CACNA2D4: variants seen among roughly 807,000 people sequenced by gnomAD.
CACNA2D4 encodes voltage-dependent calcium channel subunit alpha-2/delta-4.
Under a neutral mutation model 163.8 loss-of-function variants are expected in CACNA2D4, and 157 were observed. That is an observed-to-expected ratio of 0.96 (90% confidence interval 0.84 to 1.09). The LOEUF is 1.09. Ranked by LOEUF, CACNA2D4 falls within the 50% of genes least tolerant of loss-of-function variation. The pLI, the probability that CACNA2D4 is intolerant of heterozygous loss-of-function variation, is 0.00. For synonymous variants in CACNA2D4, 598 were observed against 586.9 expected (o/e 1.02, Z -0.27); for missense variants, 1,410 against 1,479.9 (o/e 0.95, Z 0.78).
chr12:1,793,202 G>T lies in CACNA2D4; in HGVS notation c.*453C>A. On this transcript the variant is annotated 3_prime_UTR_variant, in exon 38 of 38. Transcript: ENST00000382722. ...TTGCCTTAGCCTCATCTCTGCATTT[G>T]GCCTCATTCTGCTGCTGCTTCTCAG... 1 of 163,004 alleles carries T rather than the reference G, an allele frequency of 6.1e-6. No homozygotes were observed. The highest frequency in any genetic ancestry group is 1.3e-5 in the Non-Finnish European group (1 of 74,560). The allele number at this position is 163,004 out of a possible 1,614,324, so 10.1% of individuals were successfully genotyped here. A position where few individuals can be genotyped will look rare whatever the true frequency, so the allele number is the denominator to read the frequency against.
chr12:1,898,578 TA>T (rs34777596), intron 6 of CACNA2D4, among the ~76,000 whole-genome samples: 115,210 of 151,884 alleles, frequency 0.76, 43,806 homozygotes, highest in East Asian at 0.88. Context: ...AAAAAAAAAC[TA>T]AACAAAAAGA....
chr12:1,907,842 G>A, intron 5 of CACNA2D4, 33 bp downstream of exon 5: 1 of 1,612,132 alleles, frequency 6.2e-7, no homozygotes, highest in South Asian at 1.1e-5. Context: ...GGGCGTGCCT[G>A]GTGAGTGTGC....
At chr12:1,803,948 G>A (rs1406915868) in intron 29 of CACNA2D4, among the ~76,000 whole-genome samples, 1 of 152,194 alleles carries the variant, frequency 6.6e-6, no homozygotes, top group Non-Finnish European at 1.5e-5. Context: ...AGTGGACATG[G>A]CAGCGGGACA....
At chr12:1,910,874 T>C (rs1316565317) in intron 3 of CACNA2D4, among the ~76,000 whole-genome samples, 1 of 152,180 alleles carries the variant, frequency 6.6e-6, no homozygotes, top group Non-Finnish European at 1.5e-5. Flanking sequence ...ATTGCTTACT[T>C]AGTAACCGGA....
At chr12:1,800,341 C>T (rs1294204674) in intron 32 of CACNA2D4, 45 bp downstream of exon 32, 3 of 1,603,028 alleles carry the variant, frequency 1.9e-6, no homozygotes, top group African/African-American at 1.3e-5. Context: ...CCTAAGCCAC[C>T]CTCGCATGCA....
At position 1,878,841 on chromosome 12, in the gene CACNA2D4, A is replaced by T; in HGVS notation, c.1644+115T>A. ...ACCTGCACTTCTTGGGCAGTGATGG[A>T]GGGGCCCCACCCCAGCTCTGGGCTT... is the stretch of plus-strand genomic sequence containing the variant. On this transcript the variant is annotated intron_variant, in intron 15 of 37. Transcript: ENST00000382722. The surrounding 1 kb of genome is among the most constrained non-coding windows in gnomAD (Gnocchi z 4.6). The T allele has an allele frequency of 1.1e-6, 1 of 913,780 alleles. No homozygotes were observed. 56.6% of individuals were successfully genotyped at this position (913,780 alleles called of 1,614,324 possible).
chr12:1,868,423 C>T (rs1338317353), intron 18 of CACNA2D4, among the ~76,000 whole-genome samples: 2 of 151,452 alleles, frequency 1.3e-5, no homozygotes, highest in African/African-American at 4.9e-5. Context: ...TACATAGAAA[C>T]AGAGAAAAAT....
In CACNA2D4 at chr12:1,843,017, C is replaced by T. The variant is rs899034700; in HGVS notation, c.2470+1385G>A. On this transcript the variant is annotated intron_variant, in intron 25 of 37. Coordinates refer to ENST00000382722, the MANE Select transcript of CACNA2D4 (RefSeq NM_172364.5). The surrounding 1 kb of genome is among the most constrained non-coding windows in gnomAD (Gnocchi z 4.6). ...TTGCTGTGTGACCCCGGGCAAGTTACAGAACCTCTCTGAGCCTCACGTTCT... is the reference window on the plus strand; with the variant it reads ...TTGCTGTGTGACCCCGGGCAAGTTATAGAACCTCTCTGAGCCTCACGTTCT... Among the ~76,000 whole-genome samples the T allele has an allele frequency of 6.6e-6, 1 of 152,210 alleles. No homozygotes were observed. Among genetic ancestry groups the T allele is most frequent in the Non-Finnish European group, 1.5e-5 (1 of 68,028 alleles).
intron 6 of CACNA2D4, among the ~76,000 whole-genome samples, chr12:1,904,225 G>A (rs931452998): frequency 6.6e-6 from 1 of 151,780 alleles, no homozygotes; most frequent in Non-Finnish European, 1.5e-5. Flanking sequence ...GGCTGGGAAG[G>A]GTAGCGATGG....
intron 26 of CACNA2D4, chr12:1,827,849 A>G (rs1040624605): frequency 7.8e-5 from 28 of 357,678 alleles, no homozygotes; most frequent in Non-Finnish European, 2.5e-5. Context: ...GCTTTGCGGC[A>G]CTGTGCCCGA....
intron 18 of CACNA2D4, among the ~76,000 whole-genome samples, chr12:1,861,296 C>T (rs1865519580): frequency 1.3e-5 from 2 of 152,214 alleles, no homozygotes; most frequent in South Asian, 4.1e-4. Flanking sequence ...CCTCTGGCTC[C>T]TCTGCCCAGT....
At chr12:1,901,921 C>A (rs1237375688) in intron 6 of CACNA2D4, among the ~76,000 whole-genome samples, 7 of 151,842 alleles carry the variant, frequency 4.6e-5, no homozygotes, top group Non-Finnish European at 1.0e-4. Context: ...AAACAAAAAA[C>A]CTACAGGCTA....
intron 6 of CACNA2D4, among the ~76,000 whole-genome samples, chr12:1,896,791 C>G (rs12321764): frequency 0.066 from 10,007 of 152,242 alleles, 816 homozygotes; most frequent in East Asian, 0.42. Context: ...TATGATGCCA[C>G]TACCTAGAAT....
intron 4 of CACNA2D4, 85 bp downstream of exon 4, chr12:1,909,821 A>ATG (rs1866769742): frequency 8.8e-7 from 1 of 1,138,316 alleles, no homozygotes; most frequent in African/African-American, 1.5e-5. Context: ...TCGCCACCCT[A>ATG]CGCCGCCACC....
At position 1,874,095 on chromosome 12, in the gene CACNA2D4, C is replaced by G. The variant is rs891308896; in HGVS notation, c.1878+509G>C. Among the ~76,000 whole-genome samples, 1 of 152,128 alleles carries G rather than the reference C, an allele frequency of 6.6e-6. No homozygotes were observed. The highest frequency in any genetic ancestry group is 1.5e-5 in the Non-Finnish European group (1 of 68,028). On this transcript the variant is annotated intron_variant, in intron 18 of 37. Transcript: ENST00000382722. The surrounding 1 kb of genome is among the most constrained non-coding windows in gnomAD (Gnocchi z 4.4). ...CTTTTAAGTGAGAAGATGAAATGATCTTTTATAAACGATGCACATGGTTGT... is the reference window on the plus strand; with the variant it reads ...CTTTTAAGTGAGAAGATGAAATGATGTTTTATAAACGATGCACATGGTTGT...
In CACNA2D4 at chr12:1,800,390, C is replaced by A. The variant is rs770744781; in HGVS notation, c.2917G>T (p.Val973Leu). ...TATRWLLQELVLFLLEWSVWG... is the reference protein window; with the variant it reads ...TATRWLLQELLLFLLEWSVWG... ...CCCGTGTCTACCCCCACTCACAGCA[C>A]CAGCTCCTGCAGCAGCCACCTGGTC... The change falls in exon 32 of 38, where the codon GTG (valine) becomes TTG (leucine). Residue 973 changes from valine (V) to leucine (L), a missense_variant. Coordinates refer to ENST00000382722, the MANE Select transcript of CACNA2D4 (RefSeq NM_172364.5). 1 of 1,613,944 alleles carries A rather than the reference C, an allele frequency of 6.2e-7. No individual in the cohort carries two copies. The highest frequency in any genetic ancestry group is 1.1e-5 in the South Asian group (1 of 91,086).
chr12:1,830,834 T>C, intron 26 of CACNA2D4: 1 of 988,228 alleles, frequency 1.0e-6, no homozygotes, highest in Non-Finnish European at 1.5e-6. Context: ...CCAAAGGAGA[T>C]AAAGCCAAGA....
intron 24 of CACNA2D4, among the ~76,000 whole-genome samples, chr12:1,846,344 G>A (rs1404980163): frequency 6.6e-6 from 1 of 150,942 alleles, no homozygotes; most frequent in Non-Finnish European, 1.5e-5. Flanking sequence ...GGATGTGTAA[G>A]CCTTCGGGGA....
rs758376887 is a variant in CACNA2D4, at chr12:1,834,018, A to G, written c.2551+6721T>C. ...GCTTCTCTATAAAATGGGAATAAAG[A>G]CAATATCCATTTCACATGGCTTCTG... On this transcript the variant is annotated intron_variant, in intron 26 of 37. Transcript: ENST00000382722. This position sits in a 1 kb window ranked among gnomAD's most constrained non-coding sequence, Gnocchi z 7.6. Among the ~76,000 whole-genome samples, 1 of 152,184 alleles carries G rather than the reference A, an allele frequency of 6.6e-6. No individual in the cohort carries two copies. Among genetic ancestry groups the G allele is most frequent in the Non-Finnish European group, 1.5e-5 (1 of 68,040 alleles).
Sources: allele counts gnomAD v4.1 joint callset (sites outside exome capture counted in the v4.1 genomes callset), GRCh38; gene constraint gnomAD v4.1.1; non-coding constraint Gnocchi (gnomAD v3.1); transcripts MANE v1.5; gene names NCBI Gene and HGNC (gene_info 2026-07-23, HGNC 2026-07-21).